Variants in PRKCQ observed in about 807,000 individuals in gnomAD.
PRKCQ encodes the protein protein kinase C theta.
Under a neutral mutation model 91.2 loss-of-function variants are expected in PRKCQ, and 41 were observed. The ratio of observed to expected loss-of-function variants is 0.45; its 90% CI spans 0.35 to 0.58. The LOEUF is 0.58. Ranked by LOEUF, PRKCQ falls within the 20% of genes least tolerant of loss-of-function variation. PRKCQ has a pLI of 0.00. For synonymous variants in PRKCQ, 307 were observed against 316.9 expected (o/e 0.97, Z 0.33); for missense variants, 673 against 896.5 (o/e 0.75, Z 3.18).
intron 1 of PRKCQ, among the ~76,000 whole-genome samples, chr10:6,573,671 T>A (rs955872185): frequency 5.9e-5 from 9 of 152,242 alleles, no homozygotes; most frequent in African/African-American, 2.2e-4. Flanking sequence ...AATTTCAGGA[T>A]GACAAGGATT....
chr10:6,573,753 T>C (rs1398071322), intron 1 of PRKCQ, among the ~76,000 whole-genome samples: 3 of 152,076 alleles, frequency 2.0e-5, no homozygotes, highest in Non-Finnish European at 4.4e-5. Flanking sequence ...GTCCTTTAGG[T>C]GTTACAAGGT....
chr10:6,471,339 A>C (rs1340606282), intron 12 of PRKCQ, among the ~76,000 whole-genome samples: 1 of 152,250 alleles, frequency 6.6e-6, no homozygotes. Flanking sequence ...GAGCAAAATC[A>C]TCTTTCTGGG....
chr10:6,495,894 C>G (rs1837559220), intron 7 of PRKCQ, among the ~76,000 whole-genome samples: 1 of 152,068 alleles, frequency 6.6e-6, no homozygotes, highest in Admixed American at 6.5e-5. Context: ...CCAGACTTCC[C>G]CACCAGGTAA....
intron 1 of PRKCQ, among the ~76,000 whole-genome samples, chr10:6,528,964 G>A (rs965797463): frequency 2.6e-5 from 4 of 152,192 alleles, no homozygotes; most frequent in African/African-American, 9.7e-5. Flanking sequence ...CTCCATGGCT[G>A]TGGTTTGAAG....
Position 6,430,768 on chromosome 10 carries a change from GGA to G in PRKCQ, c.1965+40_1965+41del, listed in dbSNP as rs754639210. ...GACAGGCAGACGGCCCTGAGCGGAG[GGA>G]GAGTGGCTGACACCAAGCGGCCCAT... On this transcript the variant is annotated intron_variant, in intron 17 of 17. Coordinates refer to ENST00000263125, the MANE Select transcript of PRKCQ (RefSeq NM_006257.5). This position sits in a 1 kb window ranked among gnomAD's most constrained non-coding sequence, Gnocchi z 4.7. 17 of 1,602,786 alleles carry G rather than the reference GGA, an allele frequency of 1.1e-5. No individual in the cohort carries two copies. In the East Asian group the frequency reaches 3.4e-4, roughly 32 times the overall value.
At chr10:6,449,198 G>A (rs1315999483) in intron 15 of PRKCQ, among the ~76,000 whole-genome samples, 32 of 147,462 alleles carry the variant, frequency 2.2e-4, no homozygotes, top group African/African-American at 6.6e-4. Context: ...AAATTTAGAC[G>A]AATGTATAAC....
rs111462483 is a variant in PRKCQ, at chr10:6,543,261, C to T, written c.-9-28117G>A. Among the ~76,000 whole-genome samples, 224 of 152,350 alleles carry T rather than the reference C, an allele frequency of 1.5e-3. 1 individual carries two copies. The highest frequency in any genetic ancestry group is 5.2e-3 in the African/African-American group (217 of 41,572). On this transcript the variant is annotated intron_variant, in intron 1 of 17. Coordinates refer to ENST00000263125, the MANE Select transcript of PRKCQ (RefSeq NM_006257.5). ...TTAAAAAGAAAGGAAGAAAAAGTCA[C>T]ACAGGTGGAGTTCGCGGAGCTGAAA...
rs763293223 is a variant in PRKCQ, at chr10:6,428,234, G to T, written c.2094C>A (p.Asn698Lys). The T allele has an allele frequency of 6.2e-7, 1 of 1,614,158 alleles. No individual in the cohort carries two copies. Among genetic ancestry groups the T allele is most frequent in the South Asian group, 1.1e-5 (1 of 91,064 alleles). Residue 698 changes from asparagine to lysine, a missense_variant, in exon 18 of 18, where the codon AAC becomes AAA. Coordinates refer to ENST00000263125, the MANE Select transcript of PRKCQ (RefSeq NM_006257.5). Reference protein sequence around the residue: ...QNMFRNFSFMNPGMERLIS With the variant: ...QNMFRNFSFMKPGMERLIS ...AGGATATCAGCCGCTCCATCCCGGG[G>T]TTCATGAAGGAAAAGTTCCTGAACA...
chr10:6,431,022 A>G, intron 16 of PRKCQ, 84 bp from the exon 17 acceptor site: 1 of 1,499,926 alleles, frequency 6.7e-7, no homozygotes, highest in Non-Finnish European at 8.9e-7. Context: ...CTGGTGCACC[A>G]GCCCCTTCTT....
intron 15 of PRKCQ, among the ~76,000 whole-genome samples, chr10:6,450,646 C>A (rs915958508): frequency 6.6e-6 from 1 of 151,966 alleles, no homozygotes; most frequent in African/African-American, 2.4e-5. Context: ...CAGCACCACA[C>A]CTATTCCAAA....
chr10:6,488,215 C>T (rs546714494), intron 8 of PRKCQ, among the ~76,000 whole-genome samples: 85 of 152,196 alleles, frequency 5.6e-4, no homozygotes, highest in African/African-American at 2.0e-3. Flanking sequence ...ATCGAGCAGG[C>T]GCTCAACAAA....
chr10:6,557,193 C>A (rs1237497080), intron 1 of PRKCQ, among the ~76,000 whole-genome samples: 1 of 152,152 alleles, frequency 6.6e-6, no homozygotes, highest in South Asian at 2.1e-4. Context: ...GCTTCCTCCC[C>A]TTCCATTCGC....
chr10:6,433,460 G>A (rs1346758100), intron 16 of PRKCQ, among the ~76,000 whole-genome samples: 1 of 152,130 alleles, frequency 6.6e-6, no homozygotes, highest in Non-Finnish European at 1.5e-5. Flanking sequence ...GATGCCTGCA[G>A]AGTAAGTGAA....
At chr10:6,549,932 G>A (rs193002460) in intron 1 of PRKCQ, among the ~76,000 whole-genome samples, 1 of 151,966 alleles carries the variant, frequency 6.6e-6, no homozygotes, top group African/African-American at 2.4e-5. Context: ...GCGCCCGGCT[G>A]AAATTCACCA....
chr10:6,569,641 G>GT, intron 1 of PRKCQ, among the ~76,000 whole-genome samples: 1 of 152,106 alleles, frequency 6.6e-6, no homozygotes, highest in Admixed American at 6.5e-5. Flanking sequence ...CAGAGGTGGT[G>GT]GGAGTGTGAC....
In PRKCQ at chr10:6,491,761, T is replaced by C. The variant is rs368962381; in HGVS notation, c.712A>G (p.Asn238Asp). The C allele has an allele frequency of 1.9e-6, 3 of 1,614,086 alleles. No homozygotes were observed. The African/African-American group carries it at 4.0e-5, about 22-fold the overall frequency. ...IDMPHRFKVY[N>D]YKSPTFCEHC... ...TCACAGAAGGTCGGGCTCTTGTAATTGTAGACTTTAAATCTGTGTGGCATG... is the reference window on the plus strand; with the variant it reads ...TCACAGAAGGTCGGGCTCTTGTAATCGTAGACTTTAAATCTGTGTGGCATG... Residue 238 changes from asparagine to aspartate, a missense_variant, in exon 8 of 18, where the codon AAT (asparagine) becomes GAT (aspartate). By Grantham distance (23) the Asn-to-Asp change is conservative. Transcript: ENST00000263125.
At chr10:6,475,217 C>A (rs565167610) in intron 12 of PRKCQ, among the ~76,000 whole-genome samples, 1 of 152,182 alleles carries the variant, frequency 6.6e-6, no homozygotes, top group East Asian at 1.9e-4. Context: ...CATCTATGTC[C>A]CCAGACGGTG....
chr10:6,446,293 C>T (rs1317692013), intron 15 of PRKCQ, among the ~76,000 whole-genome samples: 2 of 150,734 alleles, frequency 1.3e-5, no homozygotes, highest in Non-Finnish European at 2.9e-5. Flanking sequence ...ACGTGATGTT[C>T]CTTCCATAGC....
intron 4 of PRKCQ, among the ~76,000 whole-genome samples, chr10:6,503,138 G>A (rs1382711072): frequency 6.6e-6 from 1 of 152,198 alleles, no homozygotes; most frequent in Non-Finnish European, 1.5e-5. Context: ...GGCTTATCAT[G>A]GGAGCCAGGC....
Sources: gnomAD v4.1 joint callset for allele counts (sites outside exome capture counted in the v4.1 genomes callset) on GRCh38, gnomAD v4.1.1 for gene constraint, Gnocchi (gnomAD v3.1) non-coding constraint, MANE v1.5 for transcripts, NCBI Gene and HGNC (gene_info 2026-07-23, HGNC 2026-07-21) for gene names.